GRM8: variants seen among roughly 807,000 people sequenced by gnomAD.
GRM8 encodes metabotropic glutamate receptor 8.
A neutral mutation model predicts 87.2 loss-of-function variants in GRM8; 47 were observed. The ratio of observed to expected loss-of-function variants is 0.54; its 90% CI spans 0.43 to 0.69. GRM8 has a LOEUF of 0.69. Among genes scored for constraint, GRM8 ranks in the 30% least tolerant of loss-of-function variants. The pLI is 0.00. For missense variants in GRM8, 1,019 were observed against 1,139.2 expected, an observed-to-expected ratio of 0.89 and a Z score of 1.52; for synonymous variants, 396 against 404.5, an observed-to-expected ratio of 0.98 and a Z score of 0.25.
chr7:126,519,666 A>T (rs1442131201), intron 9 of GRM8, among the ~76,000 whole-genome samples: 1 of 152,140 alleles, frequency 6.6e-6, no homozygotes, highest in Non-Finnish European at 1.5e-5. Context: ...CTACGGCCAT[A>T]CCACCCTGAA....
chr7:126,631,302 A>C (rs1048581480), intron 7 of GRM8, among the ~76,000 whole-genome samples: 6 of 152,130 alleles, frequency 3.9e-5, no homozygotes, highest in Non-Finnish European at 8.8e-5. Context: ...AAATAATAAA[A>C]CACCTAGGAA....
intron 3 of GRM8, among the ~76,000 whole-genome samples, chr7:126,962,942 T>G (rs775640890): frequency 2.0e-5 from 3 of 152,336 alleles, no homozygotes; most frequent in South Asian, 2.1e-4. Context: ...TAATGAAAAC[T>G]TAGAGATCTT....
intron 8 of GRM8, among the ~76,000 whole-genome samples, chr7:126,566,082 G>C (rs1036124484): frequency 6.6e-6 from 1 of 152,102 alleles, no homozygotes; most frequent in African/African-American, 2.4e-5. Context: ...TTATAATATT[G>C]CTAGAAAAAA....
chr7:127,031,654 G>A (rs1212297467), intron 3 of GRM8, among the ~76,000 whole-genome samples: 3 of 152,084 alleles, frequency 2.0e-5, no homozygotes, highest in Admixed American at 2.0e-4. Flanking sequence ...GTTTATGTTA[G>A]TGCAATATAT....
intron 9 of GRM8, among the ~76,000 whole-genome samples, chr7:126,471,511 C>T (rs368745857): frequency 1.3e-5 from 2 of 151,960 alleles, no homozygotes; most frequent in African/African-American, 4.8e-5. Flanking sequence ...AGATATGCGG[C>T]GTTATTTCTG....
At chr7:127,221,715 C>A (rs890871527) in intron 2 of GRM8, among the ~76,000 whole-genome samples, 1 of 152,166 alleles carries the variant, frequency 6.6e-6, no homozygotes, top group East Asian at 1.9e-4. Context: ...CACTGGGGTT[C>A]TCTCTGAGCA....
chr7:127,172,327 CT>C, intron 2 of GRM8, among the ~76,000 whole-genome samples: 1 of 152,198 alleles, frequency 6.6e-6, no homozygotes, highest in East Asian at 1.9e-4. Context: ...CAATCCATTA[CT>C]TTTTTCCTTT....
chr7:127,166,612 A>G (rs1393199466), intron 2 of GRM8, among the ~76,000 whole-genome samples: 1 of 152,184 alleles, frequency 6.6e-6, no homozygotes, highest in African/African-American at 2.4e-5. Context: ...AAAGCTCTTT[A>G]GTATGTGCAA....
intron 6 of GRM8, among the ~76,000 whole-genome samples, chr7:126,880,796 C>A (rs1451504269): frequency 6.6e-6 from 1 of 152,136 alleles, no homozygotes; most frequent in Non-Finnish European, 1.5e-5. Flanking sequence ...TTACTGTCAC[C>A]CTTTTTTCCT....
At position 127,161,138 on chromosome 7, in the gene GRM8, A is replaced by C. The variant is rs527994846; in HGVS notation, c.511-54426T>G. 4.6e-5 allele frequency among the ~76,000 whole-genome samples: 7 copies of C among 152,332 alleles called. No homozygotes were observed. The South Asian group carries it at 1.2e-3, about 27-fold the overall frequency. On this transcript the variant is annotated intron_variant, in intron 2 of 10. Transcript: ENST00000339582. Reference sequence around the variant, plus strand: ...CAAAAACAATTTTAATTGAAAGAAGAAACGCGACTATACAAATTTTTAAGA... The same window carrying C: ...CAAAAACAATTTTAATTGAAAGAAGCAACGCGACTATACAAATTTTTAAGA...
intron 3 of GRM8, among the ~76,000 whole-genome samples, chr7:127,071,235 GT>G (rs1821653281): frequency 1.3e-5 from 2 of 152,146 alleles, no homozygotes; most frequent in South Asian, 4.1e-4. Context: ...AAAGCTCTGA[GT>G]TTTATTCACT....
At chr7:127,165,352 T>C (rs1045730079) in intron 2 of GRM8, among the ~76,000 whole-genome samples, 1 of 151,616 alleles carries the variant, frequency 6.6e-6, no homozygotes, top group Non-Finnish European at 1.5e-5. Context: ...CTCATTTTAC[T>C]GCCTAAAAAG....
chr7:127,031,981 A>G (rs1817421186), intron 3 of GRM8, among the ~76,000 whole-genome samples: 1 of 152,066 alleles, frequency 6.6e-6, no homozygotes, highest in African/African-American at 2.4e-5. Context: ...GTTCATATTC[A>G]TATGTCTTGT....
intron 9 of GRM8, among the ~76,000 whole-genome samples, chr7:126,470,653 G>A (rs940543367): frequency 4.6e-5 from 7 of 151,988 alleles, no homozygotes; most frequent in Non-Finnish European, 7.4e-5. Context: ...ATAAACACAC[G>A]TGTGCATGTG....
intron 7 of GRM8, among the ~76,000 whole-genome samples, chr7:126,612,150 A>G (rs537983311): frequency 6.8e-4 from 103 of 152,356 alleles, no homozygotes; most frequent in African/African-American, 2.3e-3. Context: ...ATCAATATAT[A>G]TAAAACATTT....
At chr7:126,854,387 T>C (rs1396571719) in intron 6 of GRM8, among the ~76,000 whole-genome samples, 2 of 152,202 alleles carry the variant, frequency 1.3e-5, no homozygotes, top group Non-Finnish European at 2.9e-5. Flanking sequence ...AGCTCTTACT[T>C]TCACTTGGAT....
At chr7:126,851,094 G>T (rs1335321423) in intron 6 of GRM8, among the ~76,000 whole-genome samples, 2 of 152,008 alleles carry the variant, frequency 1.3e-5, no homozygotes, top group Non-Finnish European at 2.9e-5. Flanking sequence ...TCTGCTTATT[G>T]GGGTACACTT....
intron 7 of GRM8, among the ~76,000 whole-genome samples, chr7:126,715,065 G>T (rs968497498): frequency 3.3e-5 from 5 of 152,234 alleles, no homozygotes; most frequent in Middle Eastern, 6.8e-3. Context: ...CTGTAATGTC[G>T]TGACTTTTCT....
At chr7:126,877,518 T>G (rs13311468) in intron 6 of GRM8, among the ~76,000 whole-genome samples, 2 of 152,232 alleles carry the variant, frequency 1.3e-5, no homozygotes, top group African/African-American at 4.8e-5. Context: ...TTCATGGACA[T>G]AAGTTCTATT....
Sources: gnomAD v4.1 joint callset for allele counts (sites outside exome capture counted in the v4.1 genomes callset) on GRCh38, gnomAD v4.1.1 for gene constraint, MANE v1.5 for transcripts, NCBI Gene and HGNC (gene_info 2026-07-23, HGNC 2026-07-21) for gene names.